Variants in MSRA observed in about 807,000 individuals in gnomAD.
MSRA encodes methionine sulfoxide reductase A.
MSRA carries 54 observed loss-of-function variants against 31.3 expected under a neutral mutation model. The observed-to-expected ratio is 1.73, with a 90% CI of 1.39 to 2.17. MSRA has a LOEUF of 2.17. MSRA is among the 30% of genes most tolerant of loss of function. The pLI, the probability that MSRA is intolerant of heterozygous loss-of-function variation, is 0.00. For missense variants in MSRA, 507 were observed against 300.9 expected (o/e 1.69, Z -5.07); for synonymous variants, 169 against 116.5 (o/e 1.45, Z -2.90).
intron 5 of MSRA, among the ~76,000 whole-genome samples, chr8:10,350,515 G>C (rs1163660669): frequency 6.6e-6 from 1 of 152,230 alleles, no homozygotes; most frequent in African/African-American, 2.4e-5. Flanking sequence ...CTACTATTAA[G>C]ATGGATTTTA....
chr8:10,322,033 G>T (rs529380315), intron 5 of MSRA, among the ~76,000 whole-genome samples: 2 of 151,708 alleles, frequency 1.3e-5, no homozygotes, highest in Non-Finnish European at 2.9e-5. Context: ...TCCCTTTTTC[G>T]TAATGGCTTT....
chr8:10,273,218 A>T (rs1259293763), intron 3 of MSRA, among the ~76,000 whole-genome samples: 2 of 152,226 alleles, frequency 1.3e-5, no homozygotes, highest in African/African-American at 4.8e-5. Context: ...ATTAGCATTT[A>T]AAATAAAAAT....
intron 3 of MSRA, among the ~76,000 whole-genome samples, chr8:10,269,064 C>T (rs1005913684): frequency 5.3e-5 from 8 of 152,238 alleles, no homozygotes; most frequent in Admixed American, 2.0e-4. Flanking sequence ...GGTTTGAATG[C>T]TTCTCCAACG....
chr8:10,177,776 C>G (rs1806187788), intron 1 of MSRA, among the ~76,000 whole-genome samples: 1 of 152,126 alleles, frequency 6.6e-6, no homozygotes, highest in African/African-American at 2.4e-5. Flanking sequence ...TCTTTAAAAA[C>G]CAGTCTTGGA....
At chr8:10,091,124 A>G (rs79840240) in intron 1 of MSRA, among the ~76,000 whole-genome samples, 2,222 of 152,318 alleles carry the variant, frequency 0.015, 58 homozygotes, top group African/African-American at 0.049. Flanking sequence ...TTCCTAGGAT[A>G]AATCCCACTT....
intron 5 of MSRA, among the ~76,000 whole-genome samples, chr8:10,371,374 C>T (rs750775040): frequency 1.1e-4 from 16 of 152,160 alleles, no homozygotes; most frequent in East Asian, 1.9e-4. Flanking sequence ...AAACCTGTGC[C>T]GGCCGGCGCC....
intron 1 of MSRA, among the ~76,000 whole-genome samples, chr8:10,161,951 G>GAAT (rs1804694964): frequency 6.6e-6 from 1 of 152,188 alleles, no homozygotes. Context: ...CCGGAGGTCT[G>GAAT]AATACAAGAG....
At chr8:10,100,810 G>A (rs554295451) in intron 1 of MSRA, among the ~76,000 whole-genome samples, 2 of 152,252 alleles carry the variant, frequency 1.3e-5, no homozygotes, top group East Asian at 3.9e-4. Flanking sequence ...CAGAGGAGAT[G>A]AACATTTTCT....
chr8:10,244,769 C>T (rs1322611124), intron 2 of MSRA, among the ~76,000 whole-genome samples: 2 of 152,048 alleles, frequency 1.3e-5, no homozygotes, highest in Non-Finnish European at 2.9e-5. Flanking sequence ...TCTATTGATT[C>T]AAGTTATGAA....
chr8:10,206,923 C>T lies in MSRA; in HGVS notation c.143-910C>T, dbSNP rs567579709. Among the ~76,000 whole-genome samples, 221 of 152,344 alleles carry T rather than the reference C, an allele frequency of 1.5e-3. 1 individual carries two copies. The Middle Eastern group carries it at 0.02, about 14-fold the overall frequency. On this transcript the variant is annotated intron_variant, in intron 1 of 5. Transcript: ENST00000317173. ...CCCTAGACCCCTCCAAGCGTGGCTT[C>T]AGTGCTGAGCCCTTTGCCTGAACCC...
chr8:10,197,245 T>C (rs1808072257), intron 1 of MSRA, among the ~76,000 whole-genome samples: 1 of 152,236 alleles, frequency 6.6e-6, no homozygotes, highest in African/African-American at 2.4e-5. Context: ...ATTAATGTAA[T>C]ATTATATGCT....
chr8:10,417,339 C>T (rs762798408), intron 5 of MSRA, among the ~76,000 whole-genome samples: 3 of 151,970 alleles, frequency 2.0e-5, no homozygotes, highest in Admixed American at 1.3e-4. Flanking sequence ...GGGGCAATTC[C>T]ATTGTCCCAG....
chr8:10,357,622 A>G (rs530579246), intron 5 of MSRA, among the ~76,000 whole-genome samples: 4 of 152,104 alleles, frequency 2.6e-5, no homozygotes, highest in Admixed American at 6.5e-5. Context: ...CACGTTGTCT[A>G]TTTCCTGCCC....
chr8:10,071,775 A>G (rs772817549), intron 1 of MSRA, among the ~76,000 whole-genome samples: 2 of 152,052 alleles, frequency 1.3e-5, no homozygotes, highest in Non-Finnish European at 2.9e-5. Context: ...GAAGGCTGGC[A>G]CTCCATGGAG....
chr8:10,426,386 A>T (rs986055517), intron 5 of MSRA, among the ~76,000 whole-genome samples: 1 of 152,238 alleles, frequency 6.6e-6, no homozygotes, highest in African/African-American at 2.4e-5. Context: ...AGATTTCAGG[A>T]TACCAAGAAG....
At chr8:10,181,960 A>T (rs11249972) in intron 1 of MSRA, among the ~76,000 whole-genome samples, 79,705 of 151,428 alleles carry the variant, frequency 0.53, 22,381 homozygotes, top group African/African-American at 0.74. Context: ...TAAGTAAGAA[A>T]TTTTTTTTTC....
intron 5 of MSRA, among the ~76,000 whole-genome samples, chr8:10,381,751 C>G (rs983208998): frequency 2.0e-5 from 3 of 152,170 alleles, no homozygotes; most frequent in African/African-American, 7.2e-5. Flanking sequence ...AAAGCAGAAT[C>G]AGGGCAGACC....
intron 5 of MSRA, among the ~76,000 whole-genome samples, chr8:10,327,630 G>T (rs1050340094): frequency 7.2e-5 from 11 of 152,076 alleles, no homozygotes; most frequent in African/African-American, 2.4e-4. Context: ...AGAAGACAGT[G>T]TCACTACCAA....
At chr8:10,355,782 G>A (rs1012208550) in intron 5 of MSRA, among the ~76,000 whole-genome samples, 8 of 152,126 alleles carry the variant, frequency 5.3e-5, no homozygotes, top group Non-Finnish European at 4.4e-5. Context: ...GTCTAGCCAG[G>A]AAGATATGCC....
Sources: gnomAD v4.1 joint callset for allele counts (sites outside exome capture counted in the v4.1 genomes callset) on GRCh38, gnomAD v4.1.1 for gene constraint, MANE v1.5 for transcripts, NCBI Gene and HGNC (gene_info 2026-07-23, HGNC 2026-07-21) for gene names.